Variants in MRPS18C observed in about 807,000 individuals in gnomAD.
The protein encoded by MRPS18C is mitochondrial ribosomal protein S18C, also known as small ribosomal subunit protein bS18m.
A neutral mutation model predicts 21.0 loss-of-function variants in MRPS18C; 21 were observed. The ratio of observed to expected loss-of-function variants is 1.00; its 90% CI spans 0.71 to 1.44. The LOEUF is 1.44. Ranked by LOEUF, MRPS18C falls within the 40% of genes most tolerant of loss-of-function variation. The pLI is 0.00. For synonymous variants in MRPS18C, 65 were observed against 54.3 expected, an observed-to-expected ratio of 1.20 and a Z score of -0.87; for missense variants, 152 against 171.5, an observed-to-expected ratio of 0.89 and a Z score of 0.64.
chr4:83,458,319 T>C (rs1721941116), intron 2 of MRPS18C, 27 bp from the exon 3 acceptor site: 1 of 1,445,458 alleles, frequency 6.9e-7, no homozygotes, highest in Non-Finnish European at 9.7e-7. Flanking sequence ...CACATCCTAT[T>C]ATCAGACTTT....
chr4:83,460,866 A>G, intron 4 of MRPS18C, 107 bp from the exon 5 acceptor site: 1 of 901,742 alleles, frequency 1.1e-6, no homozygotes, highest in Non-Finnish European at 1.7e-6. Context: ...AGAGAGCACC[A>G]CTGTACTCCA....
intron 1 of MRPS18C, 73 bp downstream of exon 1, chr4:83,456,250 C>A: frequency 7.7e-7 from 1 of 1,304,024 alleles, no homozygotes; most frequent in East Asian, 2.4e-5. Flanking sequence ...TTAGAGTCGT[C>A]CCTGTTAGCA....
chr4:83,457,256 ATTGT>A (rs1489857512), intron 2 of MRPS18C: 1 of 254,646 alleles, frequency 3.9e-6, no homozygotes, highest in East Asian at 7.3e-5. Context: ...TGATTTGGGA[ATTGT>A]TTTTTTTTTT....
intron 2 of MRPS18C, 86 bp downstream of exon 2, chr4:83,457,044 C>T (rs550120379): frequency 8.0e-6 from 9 of 1,127,030 alleles, no homozygotes; most frequent in African/African-American, 6.3e-5. Context: ...GTATTAGACT[C>T]TAACATCTTT....
intron 1 of MRPS18C, among the ~76,000 whole-genome samples, 162 bp from the exon 2 acceptor site, chr4:83,456,743 TCTTA>T (rs1721842934): frequency 1.3e-5 from 2 of 152,152 alleles, no homozygotes; most frequent in African/African-American, 4.8e-5. Context: ...CCATGTTGAG[TCTTA>T]CTCTGTCCCA....
In MRPS18C at chr4:83,461,233, A is replaced by G; in HGVS notation, c.*36A>G. The stretch of plus-strand genomic sequence containing the variant: ...GTTACCACTAATAAACTTATTTTAC[A>G]GTAAGTGGTTGTATGATGCCAATAC... On this transcript the variant is annotated 3_prime_UTR_variant, in exon 6 of 6. Coordinates refer to ENST00000295491, the MANE Select transcript of MRPS18C (RefSeq NM_016067.4). 1.9e-6 allele frequency: 3 copies of G among 1,584,358 alleles called. No individual in the cohort carries two copies. The highest frequency in any genetic ancestry group is 2.6e-6 in the Non-Finnish European group (3 of 1,155,320).
chr4:83,456,274 T>C (rs933477725), intron 1 of MRPS18C, 97 bp downstream of exon 1: 2 of 1,067,878 alleles, frequency 1.9e-6, no homozygotes, highest in Non-Finnish European at 2.8e-6. Flanking sequence ...CGACTCTGGT[T>C]TCTAGGCGAT....
At chr4:83,459,875 A>C in intron 4 of MRPS18C, 78 bp downstream of exon 4, 1 of 1,258,580 alleles carries the variant, frequency 7.9e-7, no homozygotes, top group Non-Finnish European at 1.1e-6. Flanking sequence ...AAGAAAACTC[A>C]AATTTTCAAA....
chr4:83,460,889 C>T, intron 4 of MRPS18C, 84 bp from the exon 5 acceptor site: 1 of 1,168,764 alleles, frequency 8.6e-7, no homozygotes, highest in South Asian at 1.4e-5. Flanking sequence ...CTGGGTGACA[C>T]AGGGAGACTC....
At chr4:83,456,782 G>T in intron 1 of MRPS18C, 127 bp from the exon 2 acceptor site, 1 of 903,014 alleles carries the variant, frequency 1.1e-6, no homozygotes, top group Non-Finnish European at 1.7e-6. Context: ...TAACCATTCT[G>T]AATATAATAC....
intron 4 of MRPS18C, chr4:83,460,163 CT>C (rs36014997): frequency 7.1e-4 from 104 of 146,920 alleles, no homozygotes; most frequent in Non-Finnish European, 1.2e-3. Context: ...ACAAATGCCA[CT>C]TTTTTTTTTT....
At chr4:83,456,239 G>A in intron 1 of MRPS18C, 62 bp downstream of exon 1, 1 of 919,772 alleles carries the variant, frequency 1.1e-6, no homozygotes, top group Non-Finnish European at 1.7e-6. Flanking sequence ...AGTCCTAATG[G>A]TTAGAGTCGT....
In MRPS18C at chr4:83,458,354, A is replaced by C. The variant is rs756613223; in HGVS notation, c.159A>C (p.Ser53=). Residue 53 remains serine, a synonymous_variant, in exon 3 of 6, where the codon TCA becomes TCC. Transcript: ENST00000295491. ...TTCGTTTTTTTCCCTAGCCCATTTC[A>C]ATGGAAAATCCTTATAAAGAACCTC... The part of the protein sequence containing the change: ...QVSSNEDLPI[S]MENPYKEPLK... 3 of 1,596,630 alleles carry C rather than the reference A, an allele frequency of 1.9e-6. No individual in the cohort carries two copies. The highest frequency in any genetic ancestry group is 2.6e-6 in the Non-Finnish European group (3 of 1,166,748).
chr4:83,461,119 A>G lies in MRPS18C; in HGVS notation c.353-2A>G, dbSNP rs1722091466. ...TCAAGAACTTTAATTATCTCTTTAC[A>G]GGGTTTATGCCAGTTACATACAAGG... On this transcript the variant is annotated splice_acceptor_variant, in intron 5 of 5. Coordinates refer to ENST00000295491, the MANE Select transcript of MRPS18C (RefSeq NM_016067.4). LOFTEE classifies it high-confidence loss of function. 1.2e-6 allele frequency: 2 copies of G among 1,613,586 alleles called. No individual in the cohort carries two copies. The highest frequency in any genetic ancestry group is 1.7e-6 in the Non-Finnish European group (2 of 1,179,784).
At chr4:83,461,077 T>C (rs759956917) in intron 5 of MRPS18C, 44 bp from the exon 6 acceptor site, 1 of 1,612,556 alleles carries the variant, frequency 6.2e-7, no homozygotes, top group Non-Finnish European at 8.5e-7. Flanking sequence ...AGCTGAAATT[T>C]TGCTCATTAT....
In MRPS18C at chr4:83,462,094, C is replaced by T. The variant is rs1380853186; in HGVS notation, c.*897C>T. ...TTTTTTAATAGACATGGTCTCAATA[C>T]GTTGCCCAGGCTGGTCTCTAACTCC... On this transcript the variant is annotated 3_prime_UTR_variant, in exon 6 of 6. Coordinates refer to ENST00000295491, the MANE Select transcript of MRPS18C (RefSeq NM_016067.4). 2 of 239,088 alleles carry T rather than the reference C, an allele frequency of 8.4e-6. No homozygotes were observed. The highest frequency in any genetic ancestry group is 2.2e-5 in the African/African-American group (1 of 45,448). 14.8% of individuals were successfully genotyped at this position (239,088 alleles called of 1,614,324 possible).
chr4:83,457,296 G>A (rs1479340161), intron 2 of MRPS18C: 5 of 196,918 alleles, frequency 2.5e-5, no homozygotes, highest in Non-Finnish European at 5.1e-5. Flanking sequence ...GTAAGCAAAT[G>A]ATATGGGAAT....
In MRPS18C at chr4:83,461,663, A is replaced by G. The variant is rs1239959015; in HGVS notation, c.*466A>G. 1 of 260,922 alleles carries G rather than the reference A, an allele frequency of 3.8e-6. No homozygotes were observed. The highest frequency in any genetic ancestry group is 2.2e-5 in the African/African-American group (1 of 46,360). The allele number at this position is 260,922 out of a possible 1,614,324, so 16.2% of individuals were successfully genotyped here. A position where few individuals can be genotyped will look rare whatever the true frequency, so the allele number is the denominator to read the frequency against. ...AAGAGATGATTTACACCTAATAGAC[A>G]TTGAATATGATAGACATACATGTAT... On this transcript the variant is annotated 3_prime_UTR_variant, in exon 6 of 6. Transcript: ENST00000295491.
chr4:83,460,763 G>A (rs1039571064), intron 4 of MRPS18C: 1 of 497,346 alleles, frequency 2.0e-6, no homozygotes, highest in Non-Finnish European at 3.6e-6. Flanking sequence ...AAAATTATCC[G>A]GGTGTGGCGG....
Sources: gnomAD v4.1 joint callset for allele counts (sites outside exome capture counted in the v4.1 genomes callset) on GRCh38, gnomAD v4.1.1 for gene constraint, MANE v1.5 for transcripts, NCBI Gene and HGNC (gene_info 2026-07-23, HGNC 2026-07-21) for gene names.